The following NUP98 variants were observed in gnomAD, a reference collection of about 807,000 sequenced individuals.
The protein encoded by NUP98 is nuclear pore complex protein Nup98-Nup96.
In NUP98, 26 loss-of-function variants were observed where a neutral mutation model predicts 191.9. The observed-to-expected ratio is 0.14, with a 90% CI of 0.10 to 0.19. The LOEUF is 0.19. Among genes scored for constraint, NUP98 ranks in the 10% least tolerant of loss-of-function variants. The pLI is 1.00. For missense variants in NUP98, 1,941 were observed against 2,178.8 expected, an observed-to-expected ratio of 0.89 and a Z score of 2.17; for synonymous variants, 808 against 778.4, an observed-to-expected ratio of 1.04 and a Z score of -0.63.
At chr11:3,705,173 T>G in intron 22 of NUP98, 27 bp downstream of exon 22, 1 of 1,611,564 alleles carries the variant, frequency 6.2e-7, no homozygotes, top group Non-Finnish European at 8.5e-7. Flanking sequence ...ACAGCTTTCT[T>G]GTAAAATAGC....
In NUP98 at chr11:3,782,080, C is replaced by G. The variant is rs375758302; in HGVS notation, c.38G>C (p.Gly13Ala). 63 of 1,612,400 alleles carry G rather than the reference C, an allele frequency of 3.9e-5. No homozygotes were observed. Among genetic ancestry groups the G allele is most frequent in the African/African-American group, 2.8e-4 (21 of 74,854 alleles). Reference protein sequence around the residue: ...NKSFGTPFGGGTGGFGTTSTF... With the variant: ...NKSFGTPFGGATGGFGTTSTF... ...TGAAGTTGTGCCAAAGCCACCTGTGCCACCCCCAAAGGGTGTTCCAAATGA... is the reference window on the plus strand; with the variant it reads ...TGAAGTTGTGCCAAAGCCACCTGTGGCACCCCCAAAGGGTGTTCCAAATGA... The change falls in exon 2 of 33, where the codon GGC (glycine) becomes GCC (alanine). Residue 13 changes from glycine to alanine, a missense_variant. Physicochemically the swap from Gly to Ala is moderately conservative, Grantham distance 60. Around this residue, in one of 6 missense-constraint regions of NUP98, gnomAD observed 154 missense variants for 182.9 expected, o/e 0.84. Transcript: ENST00000324932.
intron 9 of NUP98, among the ~76,000 whole-genome samples, chr11:3,761,946 AAAC>A (rs530717846): frequency 1.6e-4 from 25 of 151,790 alleles, no homozygotes; most frequent in South Asian, 4.2e-4. Context: ...TCGGTTTCAA[AAAC>A]AACAACAACA....
At chr11:3,740,124 C>G (rs1055092448) in intron 12 of NUP98, among the ~76,000 whole-genome samples, 2 of 152,058 alleles carry the variant, frequency 1.3e-5, no homozygotes, top group Non-Finnish European at 2.9e-5. Context: ...GATCAAATGA[C>G]GCGTATCTAC....
At chr11:3,752,745 T>A (rs974612765) in intron 11 of NUP98, among the ~76,000 whole-genome samples, 7 of 152,172 alleles carry the variant, frequency 4.6e-5, no homozygotes, top group Non-Finnish European at 4.4e-5. Context: ...AAAACACTTA[T>A]ATATTTTATG....
intron 12 of NUP98, among the ~76,000 whole-genome samples, chr11:3,743,564 G>A (rs751724042): frequency 6.1e-5 from 9 of 146,856 alleles, no homozygotes; most frequent in South Asian, 2.2e-4. Flanking sequence ...GGAGAATGGC[G>A]TGAATCTGGG....
Position 3,792,036 on chromosome 11 carries a change from G to A in NUP98, c.-29+5364C>T, listed in dbSNP as rs955103947. Among the ~76,000 whole-genome samples, 21 of 150,836 alleles carry A rather than the reference G, an allele frequency of 1.4e-4. No individual in the cohort carries two copies. In the East Asian group the frequency reaches 2.0e-3, roughly 14 times the overall value. On this transcript the variant is annotated intron_variant, in intron 1 of 32. Coordinates refer to ENST00000324932, the MANE Select transcript of NUP98 (RefSeq NM_016320.5). ...CTACTAAAAATACAAAAAATTAGCC[G>A]GGCATGGTGGCACGCCCCTGTATTC... is the stretch of plus-strand genomic sequence containing the variant.
At chr11:3,693,182 T>C (rs1361045613) in intron 27 of NUP98, 50 bp downstream of exon 27, 12 of 1,591,648 alleles carry the variant, frequency 7.5e-6, no homozygotes, top group African/African-American at 1.3e-5. Context: ...AATTTGACAA[T>C]ACTTTAACAC....
In NUP98 at chr11:3,706,524, C is replaced by T. The variant is rs1443824398; in HGVS notation, c.2846G>A (p.Ser949Asn). Residue 949 changes from serine to asparagine, a missense_variant, in exon 21 of 33, where the codon AGC becomes AAC. By Grantham distance (46) the Ser-to-Asn change is conservative. This residue lies in a region of NUP98 where 1,030 missense variants were observed against 1,115.8 expected (regional missense o/e 0.92). Coordinates refer to ENST00000324932, the MANE Select transcript of NUP98 (RefSeq NM_016320.5). ...EPVLDTMLEESMPEDQEPVSA... is the reference protein window; with the variant it reads ...EPVLDTMLEENMPEDQEPVSA... ...CACAGGTTCCTGATCCTCAGGCATG[C>T]TCTCTTCTAACATGGTATCCAAAAC... is the stretch of plus-strand genomic sequence containing the variant. The T allele has an allele frequency of 6.2e-7, 1 of 1,614,134 alleles. No homozygotes were observed. The highest frequency in any genetic ancestry group is 1.7e-5 in the Admixed American group (1 of 60,016).
intron 11 of NUP98, among the ~76,000 whole-genome samples, chr11:3,749,034 C>T (rs960022313): frequency 4.0e-5 from 6 of 151,846 alleles, no homozygotes; most frequent in African/African-American, 1.2e-4. Flanking sequence ...GAGGGCCGGG[C>T]GCGGTGGCTC....
intron 11 of NUP98, among the ~76,000 whole-genome samples, chr11:3,749,069 G>A (rs866348742): frequency 6.6e-6 from 1 of 151,970 alleles, no homozygotes; most frequent in Middle Eastern, 3.2e-3. Context: ...AGCACTTTGG[G>A]AGGCCGAGGC....
chr11:3,684,278 T>C (rs1167452007), intron 29 of NUP98, among the ~76,000 whole-genome samples: 3 of 152,064 alleles, frequency 2.0e-5, no homozygotes, highest in African/African-American at 4.8e-5. Flanking sequence ...AGTATTTTCA[T>C]GTTCAAAAAG....
intron 2 of NUP98, 53 bp from the exon 3 acceptor site, chr11:3,779,310 G>C (rs2081867568): frequency 7.4e-7 from 1 of 1,348,422 alleles, no homozygotes; most frequent in African/African-American, 1.4e-5. Context: ...ATCTACGTAA[G>C]ATGACCAAAT....
intron 1 of NUP98, among the ~76,000 whole-genome samples, chr11:3,782,818 A>G (rs964801839): frequency 2.0e-5 from 3 of 152,222 alleles, no homozygotes; most frequent in East Asian, 3.9e-4. Context: ...TTACACCACC[A>G]AAGTGCTGGG....
intron 12 of NUP98, among the ~76,000 whole-genome samples, chr11:3,736,536 A>G (rs2080067765): frequency 6.6e-6 from 1 of 152,132 alleles, no homozygotes; most frequent in Non-Finnish European, 1.5e-5. Context: ...GCACACCTAT[A>G]ACCCCAGCTG....
intron 1 of NUP98, among the ~76,000 whole-genome samples, chr11:3,792,945 AC>A (rs1361075180): frequency 6.6e-6 from 1 of 151,946 alleles, no homozygotes; most frequent in East Asian, 1.9e-4. Context: ...CCCCGTCTCT[AC>A]TAAAAATACA....
chr11:3,676,749 A>G lies in NUP98; in HGVS notation c.5074-129T>C, dbSNP rs532911181. On this transcript the variant is annotated intron_variant, in intron 31 of 32. Coordinates refer to ENST00000324932, the MANE Select transcript of NUP98 (RefSeq NM_016320.5). ...AGGGGAAAATCCAAGATGATGACACAGGGCCAAGCCACCACCATCTAGTGG... is the reference window on the plus strand; with the variant it reads ...AGGGGAAAATCCAAGATGATGACACGGGGCCAAGCCACCACCATCTAGTGG... The G allele has an allele frequency of 9.4e-5, 75 of 800,974 alleles. No homozygotes were observed. In the African/African-American group the frequency reaches 1.1e-3, roughly 11 times the overall value. The allele number at this position is 800,974 out of a possible 1,614,324, so 49.6% of individuals were successfully genotyped here.
intron 23 of NUP98, among the ~76,000 whole-genome samples, 142 bp downstream of exon 23, chr11:3,702,307 ACACACACTCTCTCT>A (rs1474888918): frequency 7.4e-4 from 43 of 57,928 alleles, no homozygotes; most frequent in African/African-American, 2.4e-3. Context: ...ACACACACAC[ACACACACTCTCTCT>A]CTCTCTCTCT....
intron 1 of NUP98, among the ~76,000 whole-genome samples, chr11:3,787,432 CATT>C (rs1206177798): frequency 2.6e-5 from 4 of 151,506 alleles, no homozygotes; most frequent in African/African-American, 7.3e-5. Flanking sequence ...AAAATACAAA[CATT>C]AGCCAGAAGC....
chr11:3,768,931 C>CTGTAATAACATCCTTACCCCAAGAAGCTT (rs2081427842), intron 7 of NUP98, among the ~76,000 whole-genome samples, 187 bp from the exon 8 acceptor site: 1 of 152,174 alleles, frequency 6.6e-6, no homozygotes, highest in Non-Finnish European at 1.5e-5. Context: ...ACTTTAACTT[C>CTGTAATAACATCCTTACCCCAAGAAGCTT]TGTAATAACA....
Sources: gnomAD v4.1 joint callset for allele counts (sites outside exome capture counted in the v4.1 genomes callset) on GRCh38, gnomAD v4.1.1 for gene constraint, gnomAD v4.1.1 regional missense constraint, MANE v1.5 for transcripts, NCBI Gene and HGNC (gene_info 2026-07-23, HGNC 2026-07-21) for gene names.